HP1BP3: variants seen among roughly 807,000 people sequenced by gnomAD.
HP1BP3 encodes the protein heterochromatin protein 1-binding protein 3.
In HP1BP3, 12 loss-of-function variants were observed where a neutral mutation model predicts 62.5. The ratio of observed to expected loss-of-function variants is 0.19; its 90% confidence interval spans 0.12 to 0.31. The LOEUF is 0.31. Among genes scored for constraint, HP1BP3 ranks in the 10% least tolerant of loss-of-function variants. The pLI, the probability that HP1BP3 is intolerant of heterozygous loss-of-function variation, is 1.00. For missense variants in HP1BP3, 502 were observed against 651.8 expected, an observed-to-expected ratio of 0.77 and a Z score of 2.50; for synonymous variants, 260 against 237.8, an observed-to-expected ratio of 1.09 and a Z score of -0.86.
intron 11 of HP1BP3, 51 bp downstream of exon 11, chr1:20,747,489 AGTGT>A (rs1157990726): frequency 5.7e-6 from 6 of 1,057,314 alleles, no homozygotes; most frequent in South Asian, 1.4e-5. Context: ...AATTAAACTG[AGTGT>A]GTAACTTAGA....
intron 1 of HP1BP3, among the ~76,000 whole-genome samples, chr1:20,785,663 G>A (rs1486603801): frequency 6.6e-6 from 1 of 152,176 alleles, no homozygotes; most frequent in East Asian, 1.9e-4. Context: ...ACTGGGTAAG[G>A]AGTTAAAACT....
rs538322782 is a variant in HP1BP3 at position 20,744,261 on chromosome 1, C to G, written c.*536G>C. On this transcript the variant is annotated 3_prime_UTR_variant, in exon 13 of 13. Coordinates refer to ENST00000438032, the MANE Select transcript of HP1BP3 (RefSeq NM_001372052.1). ...GTTTTTGGCTTATTCCCAAAGCTGT[C>G]TCTGTGTTTACAGTTGGAGAGAAAA... 1 of 152,838 alleles carries G rather than the reference C, an allele frequency of 6.5e-6. No individual in the cohort carries two copies. The highest frequency in any genetic ancestry group is 1.5e-5 in the Non-Finnish European group (1 of 68,168). The allele number at this position is 152,838 out of a possible 1,614,324, so 9.5% of individuals were successfully genotyped here.
chr1:20,755,327 G>A (rs896778653), intron 9 of HP1BP3: 2 of 449,020 alleles, frequency 4.5e-6, no homozygotes, highest in Non-Finnish European at 4.5e-6. Flanking sequence ...CAACACTTTG[G>A]GAAGCTGAGG....
rs748582579 is a variant in HP1BP3, at chr1:20,757,235, A to C, written c.912T>G (p.Ala304=). ...VDIRPQLLKN[A]LQRAVERGQL... ...GGCCCCTCTCTACTGCTCTCTGCAG[A>C]GCGTTCTTCAACAGCTGAGGCCTGC... The change falls in exon 9 of 13, where the codon GCT becomes GCG. Residue 304 remains alanine (A), a synonymous_variant. Coordinates refer to ENST00000438032, the MANE Select transcript of HP1BP3 (RefSeq NM_001372052.1). The C allele has an allele frequency of 1.3e-5, 21 of 1,608,516 alleles. No homozygotes were observed. The highest frequency in any genetic ancestry group is 1.6e-4 in the Middle Eastern group (1 of 6,070).
At chr1:20,746,172 A>G (rs2055307794) in intron 11 of HP1BP3, among the ~76,000 whole-genome samples, 2 of 139,848 alleles carry the variant, frequency 1.4e-5, no homozygotes, top group Admixed American at 1.5e-4. Flanking sequence ...TTAAATGATA[A>G]CATACATACA....
intron 4 of HP1BP3, chr1:20,775,906 A>G: frequency 6.9e-7 from 1 of 1,458,292 alleles, no homozygotes; most frequent in Non-Finnish European, 9.1e-7. Flanking sequence ...ATCTCTCAGA[A>G]TGTATACCCA....
At chr1:20,758,685 A>C (rs2056279434) in intron 8 of HP1BP3, among the ~76,000 whole-genome samples, 1 of 140,422 alleles carries the variant, frequency 7.1e-6, no homozygotes, top group South Asian at 2.2e-4. Flanking sequence ...TCACTGTGTC[A>C]CTCTGGATGG....
intron 5 of HP1BP3, among the ~76,000 whole-genome samples, 190 bp from the exon 6 acceptor site, chr1:20,771,263 A>G (rs2057046469): frequency 1.3e-5 from 2 of 152,212 alleles, no homozygotes; most frequent in African/African-American, 2.4e-5. Flanking sequence ...TTTCTACTAC[A>G]ATTTTAAATT....
chr1:20,758,952 TG>T (rs1286541361), intron 8 of HP1BP3, among the ~76,000 whole-genome samples: 1 of 151,996 alleles, frequency 6.6e-6, no homozygotes, highest in Non-Finnish European at 1.5e-5. Flanking sequence ...AGCACCTGGC[TG>T]GGAGAGAGGT....
intron 9 of HP1BP3, among the ~76,000 whole-genome samples, chr1:20,750,812 CTCTCT>C (rs1315949248): frequency 2.7e-5 from 3 of 112,476 alleles, no homozygotes; most frequent in African/African-American, 1.0e-4. Context: ...AATATATTTT[CTCTCT>C]TTTTTTTTTT....
rs763739689 is a variant in HP1BP3, at chr1:20,773,609, C to T, written c.352G>A (p.Glu118Lys). The change falls in exon 5 of 13, where the codon GAG (glutamate) becomes AAG (lysine). Residue 118 changes from glutamate (E) to lysine (K), a missense_variant and splice_region_variant. Glu to Lys is a moderately conservative substitution (Grantham distance 56). Around this residue, in one of 5 missense-constraint regions of HP1BP3, gnomAD observed 165 missense variants for 156.4 expected, o/e 1.05. Transcript: ENST00000438032. The stretch of plus-strand genomic sequence containing the variant: ...TCCTTTTCTTTAGACTGATCTTTCT[C>T]ACTTTAAAACAAAGAATTGTTATTA... The part of the protein sequence containing the change: ...NKSSEETKKD[E>K]KDQSKEKEKK... 15 of 1,576,728 alleles carry T rather than the reference C, an allele frequency of 9.5e-6. No homozygotes were observed. The highest frequency in any genetic ancestry group is 1.2e-5 in the Non-Finnish European group (14 of 1,157,878).
intron 6 of HP1BP3, among the ~76,000 whole-genome samples, chr1:20,768,838 T>C (rs1039562825): frequency 6.6e-6 from 1 of 152,016 alleles, no homozygotes; most frequent in Non-Finnish European, 1.5e-5. Context: ...AAAAAAAAAG[T>C]TGATTCACAA....
chr1:20,783,914 CTG>C (rs1282604419), intron 1 of HP1BP3, among the ~76,000 whole-genome samples: 1 of 152,088 alleles, frequency 6.6e-6, no homozygotes, highest in East Asian at 1.9e-4. Flanking sequence ...AATAAACTCA[CTG>C]TTCATTACAG....
chr1:20,740,782 C>T lies in HP1BP3; in HGVS notation c.*4015G>A, dbSNP rs947738909. ...GCAGTGAGCCAAGATCACACCACTG[C>T]GCTGCAGCCTTAGTGACACAGCAAA... On this transcript the variant is annotated 3_prime_UTR_variant, in exon 13 of 13. Coordinates refer to ENST00000438032, the MANE Select transcript of HP1BP3 (RefSeq NM_001372052.1). 2.6e-5 allele frequency among the ~76,000 whole-genome samples: 4 copies of T among 152,190 alleles called. No homozygotes were observed. Among genetic ancestry groups the T allele is most frequent in the Admixed American group, 1.3e-4 (2 of 15,276 alleles).
intron 9 of HP1BP3, chr1:20,755,425 A>T (rs529196469): frequency 2.2e-6 from 1 of 450,938 alleles, no homozygotes; most frequent in East Asian, 7.0e-5. Flanking sequence ...TACAAAAATT[A>T]ATCAGGCATG....
At chr1:20,784,421 CA>C (rs1056128344) in intron 1 of HP1BP3, among the ~76,000 whole-genome samples, 12 of 150,552 alleles carry the variant, frequency 8.0e-5, no homozygotes, top group African/African-American at 2.9e-4. Context: ...AATAGATGCT[CA>C]ATTAATATTT....
At position 20,765,375 on chromosome 1, in the gene HP1BP3, A is replaced by G. The variant is rs1196717811; in HGVS notation, c.890+2T>C. 6.3e-7 allele frequency: 1 copy of G among 1,599,324 alleles called. No individual in the cohort carries two copies. On this transcript the variant is annotated splice_donor_variant, in intron 8 of 12. Coordinates refer to ENST00000438032, the MANE Select transcript of HP1BP3 (RefSeq NM_001372052.1). LOFTEE classifies it high-confidence loss of function. ...TTTAAAGGCCAGGCCAATGGCTCATACCTGATGTCCACTCTAAGCTTAGGA... is the reference window on the plus strand; with the variant it reads ...TTTAAAGGCCAGGCCAATGGCTCATGCCTGATGTCCACTCTAAGCTTAGGA...
chr1:20,783,889 G>C (rs1335453391), intron 1 of HP1BP3, among the ~76,000 whole-genome samples: 1 of 152,080 alleles, frequency 6.6e-6, no homozygotes, highest in East Asian at 1.9e-4. Context: ...GAATAGTTGG[G>C]TTAATTGGCT....
At chr1:20,768,996 CAT>C (rs2056925723) in intron 6 of HP1BP3, among the ~76,000 whole-genome samples, 1 of 152,310 alleles carries the variant, frequency 6.6e-6, no homozygotes, top group South Asian at 2.1e-4. Context: ...TAAACTAAAA[CAT>C]GAAGCCATCT....
Sources: gnomAD v4.1 joint callset for allele counts (sites outside exome capture counted in the v4.1 genomes callset) on GRCh38, gnomAD v4.1.1 for gene constraint, gnomAD v4.1.1 regional missense constraint, MANE v1.5 for transcripts, NCBI Gene and HGNC (gene_info 2026-07-23, HGNC 2026-07-21) for gene names.